The following FAM171A1 variants were observed in gnomAD, a reference collection of about 807,000 sequenced individuals.
The protein encoded by FAM171A1 is family with sequence similarity 171 member A1, also known as protein FAM171A1.
In FAM171A1, 23 loss-of-function variants were observed where a neutral mutation model predicts 74.9. The observed-to-expected ratio is 0.31, with a 90% CI of 0.22 to 0.44. FAM171A1 has a LOEUF of 0.44. FAM171A1 is among the 20% of genes least tolerant of loss of function. FAM171A1 has a pLI of 1.00. For missense variants in FAM171A1, 1,162 were observed against 1,159.2 expected (o/e 1.00, Z -0.03); for synonymous variants, 527 against 505.7 (o/e 1.04, Z -0.57).
chr10:15,260,241 C>T (rs990936157), intron 3 of FAM171A1, among the ~76,000 whole-genome samples: 3 of 152,196 alleles, frequency 2.0e-5, no homozygotes, highest in Non-Finnish European at 2.9e-5. Context: ...GTTAATCCCA[C>T]CCTAAGCTCT....
chr10:15,299,209 G>A (rs540359110), intron 1 of FAM171A1, among the ~76,000 whole-genome samples: 30 of 152,260 alleles, frequency 2.0e-4, no homozygotes, highest in African/African-American at 6.0e-4. Context: ...GTGAGCCACC[G>A]CGCCAGGCCA....
At chr10:15,313,408 C>T (rs34905589) in intron 1 of FAM171A1, among the ~76,000 whole-genome samples, 14,103 of 152,272 alleles carry the variant, frequency 0.093, 704 homozygotes, top group Middle Eastern at 0.12. Flanking sequence ...CCTCTTGGAA[C>T]TTCTCTGTCC....
intron 3 of FAM171A1, among the ~76,000 whole-genome samples, chr10:15,255,642 TCTTTTC>T (rs1377501788): frequency 6.8e-6 from 1 of 146,812 alleles, no homozygotes; most frequent in African/African-American, 2.5e-5. Context: ...ATTTTCTTTT[TCTTTTC>T]TTCTTCTTTT....
At chr10:15,264,174 G>A (rs2131781259) in intron 3 of FAM171A1, among the ~76,000 whole-genome samples, 1 of 151,922 alleles carries the variant, frequency 6.6e-6, no homozygotes, top group East Asian at 1.9e-4. Flanking sequence ...GTCTTGCTAT[G>A]TTGCCCAGTC....
At chr10:15,246,456 C>A (rs1030840132) in intron 5 of FAM171A1, among the ~76,000 whole-genome samples, 6 of 152,138 alleles carry the variant, frequency 3.9e-5, no homozygotes, top group East Asian at 1.9e-4. Flanking sequence ...ATACTGATAT[C>A]AAAAATCTCC....
rs1833910982 is a variant in FAM171A1, at chr10:15,213,001, C to T, written c.2587G>A (p.Asp863Asn). 6.8e-6 allele frequency: 11 copies of T among 1,614,102 alleles called. No individual in the cohort carries two copies. The highest frequency in any genetic ancestry group is 9.3e-6 in the Non-Finnish European group (11 of 1,180,042). The change falls in exon 8 of 8, where the codon GAT (aspartate) becomes AAT (asparagine). Residue 863 changes from aspartate to asparagine, a missense_variant. By Grantham distance (23) the Asp-to-Asn change is conservative. Transcript: ENST00000378116. The surrounding 1 kb of genome is among the most constrained non-coding windows in gnomAD (Gnocchi z 6.8). ...TCTTCTCCTTGGTCATCATCATCAT[C>T]GTCTTCCTCTTCCTCGTGGGCAGAT... ...RRSAHEEEED[D>N]DDDDQGEDKK...
Position 15,212,309 on chromosome 10 carries a change from G to T in FAM171A1, c.*606C>A, listed in dbSNP as rs1039253311. The T allele has an allele frequency of 6.5e-6, 1 of 154,626 alleles. No individual in the cohort carries two copies. The highest frequency in any genetic ancestry group is 2.4e-5 in the African/African-American group (1 of 41,456). 9.6% of individuals were successfully genotyped at this position (154,626 alleles called of 1,614,324 possible). A position where few individuals can be genotyped will look rare whatever the true frequency, so the allele number is the denominator to read the frequency against. On this transcript the variant is annotated 3_prime_UTR_variant, in exon 8 of 8. Coordinates refer to ENST00000378116, the MANE Select transcript of FAM171A1 (RefSeq NM_001010924.2). The stretch of plus-strand genomic sequence containing the variant: ...AGACGCTGAGATGGACCGCTGAGAA[G>T]CGGAACAGATGAACACAAAGGAATC...
At chr10:15,271,784 A>G (rs1039163683) in intron 3 of FAM171A1, among the ~76,000 whole-genome samples, 1 of 152,194 alleles carries the variant, frequency 6.6e-6, no homozygotes, top group South Asian at 2.1e-4. Flanking sequence ...CAGCCAAACT[A>G]AGCTTCATAA....
At chr10:15,373,124 G>A (rs1396683267), upstream of FAM171A1, among the ~76,000 whole-genome samples, 1 of 152,188 alleles carries the variant, frequency 6.6e-6, no homozygotes, top group Non-Finnish European at 1.5e-5. Context: ...TGAGACATGA[G>A]AAAAACTAGG....
At chr10:15,269,390 AT>A (rs763888713) in intron 3 of FAM171A1, among the ~76,000 whole-genome samples, 9 of 151,892 alleles carry the variant, frequency 5.9e-5, no homozygotes, top group Non-Finnish European at 1.3e-4. Context: ...AAGTGCTGGG[AT>A]TACAGGTGTG....
chr10:15,372,908 G>A (rs898686477), upstream of FAM171A1, among the ~76,000 whole-genome samples: 6 of 151,840 alleles, frequency 4.0e-5, no homozygotes, highest in Admixed American at 6.6e-5. Context: ...AACTAGCACT[G>A]CGGTGACCTT....
Position 15,328,480 on chromosome 10 carries a change from T to C in FAM171A1, c.97+42476A>G, listed in dbSNP as rs572403334. ...TTTTAAATCAGGAACTGAGCTATTT[T>C]GAACAAGATGCCTTGTAGTTTAACC... On this transcript the variant is annotated intron_variant, in intron 1 of 7. Transcript: ENST00000378116. Among the ~76,000 whole-genome samples the C allele has an allele frequency of 2.6e-5, 4 of 152,300 alleles. No homozygotes were observed. In the East Asian group the frequency reaches 7.7e-4, roughly 29 times the overall value.
intron 7 of FAM171A1, among the ~76,000 whole-genome samples, chr10:15,214,941 G>GT (rs1339023631): frequency 1.3e-5 from 2 of 151,898 alleles, no homozygotes; most frequent in African/African-American, 4.8e-5. Flanking sequence ...TTGACTTTTA[G>GT]TTTTTTTGTA....
At chr10:15,301,788 C>A (rs1293503225) in intron 1 of FAM171A1, among the ~76,000 whole-genome samples, 1 of 152,126 alleles carries the variant, frequency 6.6e-6, no homozygotes, top group South Asian at 2.1e-4. Context: ...CGGGAAGTAT[C>A]GTGTCTCCAC....
At chr10:15,219,729 G>C (rs1286951621) in intron 6 of FAM171A1, among the ~76,000 whole-genome samples, 1 of 152,154 alleles carries the variant, frequency 6.6e-6, no homozygotes, top group Non-Finnish European at 1.5e-5. Flanking sequence ...CTACAGGCGT[G>C]TGCCACCACG....
At chr10:15,283,774 G>T in intron 2 of FAM171A1, 104 bp downstream of exon 2, 1 of 1,087,472 alleles carries the variant, frequency 9.2e-7, no homozygotes, top group Non-Finnish European at 1.4e-6. Flanking sequence ...TTGTAGAGAT[G>T]CAGTCTCACT....
intron 6 of FAM171A1, among the ~76,000 whole-genome samples, chr10:15,220,743 C>T (rs868791160): frequency 3.9e-5 from 6 of 152,150 alleles, no homozygotes; most frequent in African/African-American, 1.2e-4. Context: ...ATTATTCTTA[C>T]CCTAGATGGA....
At chr10:15,321,632 T>C (rs1835487874) in intron 1 of FAM171A1, among the ~76,000 whole-genome samples, 3 of 152,358 alleles carry the variant, frequency 2.0e-5, no homozygotes, top group African/African-American at 7.2e-5. Flanking sequence ...TTTCTGAGTC[T>C]AGAATTTTGA....
At chr10:15,310,574 C>A (rs2131837071) in intron 1 of FAM171A1, among the ~76,000 whole-genome samples, 1 of 152,176 alleles carries the variant, frequency 6.6e-6, no homozygotes, top group South Asian at 2.1e-4. Flanking sequence ...TATAAAGACC[C>A]ATTGGGGCTG....
Sources: allele counts gnomAD v4.1 joint callset (sites outside exome capture counted in the v4.1 genomes callset), GRCh38; gene constraint gnomAD v4.1.1; non-coding constraint Gnocchi (gnomAD v3.1); transcripts MANE v1.5; gene names NCBI Gene and HGNC (gene_info 2026-07-23, HGNC 2026-07-21).